MAPKAP1: variants seen among roughly 807,000 people sequenced by gnomAD.
MAPKAP1 encodes MAPK associated protein 1.
In MAPKAP1, 20 loss-of-function variants were observed where a neutral mutation model predicts 65.7. That is an observed-to-expected ratio of 0.30 (90% CI 0.21 to 0.44). The LOEUF (loss-of-function observed/expected upper bound fraction) is 0.44, where lower values mean the gene tolerates loss of function less well. MAPKAP1 is among the 20% of genes least tolerant of loss of function. The probability of loss-of-function intolerance (pLI) is 1.00; values close to 1 mark genes in which losing one functional copy is unlikely to be tolerated. For missense variants in MAPKAP1, 423 were observed against 648.0 expected, an observed-to-expected ratio of 0.65 and a Z score of 3.77; for synonymous variants, 222 against 244.3, an observed-to-expected ratio of 0.91 and a Z score of 0.85.
chr9:125,643,563 T>C (rs1422336168), intron 4 of MAPKAP1, among the ~76,000 whole-genome samples: 5 of 152,210 alleles, frequency 3.3e-5, no homozygotes, highest in East Asian at 3.8e-4. Context: ...AGAAGTGACA[T>C]AGATGTCATT....
At chr9:125,683,664 T>A (rs1311852939) in intron 1 of MAPKAP1, among the ~76,000 whole-genome samples, 2 of 152,204 alleles carry the variant, frequency 1.3e-5, no homozygotes, top group Non-Finnish European at 2.9e-5. Context: ...GCTGACACCT[T>A]AATTTCATCC....
intron 4 of MAPKAP1, among the ~76,000 whole-genome samples, chr9:125,598,620 A>G (rs1467820381): frequency 6.6e-6 from 1 of 152,220 alleles, no homozygotes; most frequent in African/African-American, 2.4e-5. Context: ...TCTGAGTTCA[A>G]TTATAAGCAA....
At chr9:125,623,268 TGTGAG>T (rs1272924456) in intron 4 of MAPKAP1, among the ~76,000 whole-genome samples, 1 of 106,682 alleles carries the variant, frequency 9.4e-6, no homozygotes, top group Non-Finnish European at 2.0e-5. Flanking sequence ...TCGTCTGGGA[TGTGAG>T]GAGCCCCTCT....
At chr9:125,442,879 C>T (rs552236220) in intron 11 of MAPKAP1, among the ~76,000 whole-genome samples, 3 of 152,332 alleles carry the variant, frequency 2.0e-5, no homozygotes, top group Admixed American at 6.5e-5. Context: ...ATTCCTGGAT[C>T]GCAATTCTAT....
intron 7 of MAPKAP1, among the ~76,000 whole-genome samples, chr9:125,535,133 A>ACCCT (rs1830037450): frequency 6.6e-6 from 1 of 152,176 alleles, no homozygotes; most frequent in Middle Eastern, 3.2e-3. Flanking sequence ...TCTGTAGCTT[A>ACCCT]CCCTCTGCCC....
At chr9:125,660,450 A>C (rs1834151852) in intron 3 of MAPKAP1, among the ~76,000 whole-genome samples, 1 of 152,198 alleles carries the variant, frequency 6.6e-6, no homozygotes, top group African/African-American at 2.4e-5. Flanking sequence ...TAAATAAATA[A>C]AAAGGGAAAC....
At chr9:125,441,620 A>G (rs1284012319) in intron 11 of MAPKAP1, among the ~76,000 whole-genome samples, 1 of 152,080 alleles carries the variant, frequency 6.6e-6, no homozygotes, top group East Asian at 1.9e-4. Context: ...CTAAGCTCTC[A>G]TTTTATGTAA....
chr9:125,669,771 C>T (rs1834444172), intron 3 of MAPKAP1, 47 bp downstream of exon 3: 3 of 999,398 alleles, frequency 3.0e-6, no homozygotes, highest in African/African-American at 1.7e-5. Context: ...ATATAATAAA[C>T]TAAATATATA....
At chr9:125,554,833 G>T (rs917325905) in intron 6 of MAPKAP1, among the ~76,000 whole-genome samples, 53 of 116,630 alleles carry the variant, frequency 4.5e-4, no homozygotes, top group South Asian at 1.9e-3. Flanking sequence ...TTCTAGTAAA[G>T]AACATTTAAA....
At chr9:125,620,113 A>G (rs1832853711) in intron 4 of MAPKAP1, among the ~76,000 whole-genome samples, 1 of 152,252 alleles carries the variant, frequency 6.6e-6, no homozygotes, top group Non-Finnish European at 1.5e-5. Context: ...GTTGGAGACC[A>G]GCCTGGCCAA....
chr9:125,531,258 C>T (rs1251070188), intron 7 of MAPKAP1, among the ~76,000 whole-genome samples: 1 of 152,220 alleles, frequency 6.6e-6, no homozygotes, highest in Non-Finnish European at 1.5e-5. Context: ...CAACCTTTGG[C>T]CATTTGGCTT....
At chr9:125,460,403 G>A (rs1484928311) in intron 10 of MAPKAP1, among the ~76,000 whole-genome samples, 1 of 151,902 alleles carries the variant, frequency 6.6e-6, no homozygotes, top group Admixed American at 6.6e-5. Context: ...TTATTAATAC[G>A]TCCGAGGGAA....
chr9:125,596,986 A>G lies in MAPKAP1; in HGVS notation c.499-11259T>C, dbSNP rs1009262228. Among the ~76,000 whole-genome samples the G allele has an allele frequency of 2.7e-4, 39 of 143,194 alleles. No homozygotes were observed. The South Asian group carries it at 5.3e-3, about 20-fold the overall frequency. The allele number at this position is 143,194 out of a possible 152,430, so 93.9% of individuals were successfully genotyped here. A position where few individuals can be genotyped will look rare whatever the true frequency, so the allele number is the denominator to read the frequency against. On this transcript the variant is annotated intron_variant, in intron 4 of 11. Coordinates refer to ENST00000265960, the MANE Select transcript of MAPKAP1 (RefSeq NM_001006617.3). ...CTTAAAAAAAAAAAAAAAAAAGGCC[A>G]GGCGCGGTGGCTTATGCCTGTAATC...
chr9:125,569,984 T>G (rs998741185), intron 5 of MAPKAP1, among the ~76,000 whole-genome samples: 1 of 152,214 alleles, frequency 6.6e-6, no homozygotes, highest in Non-Finnish European at 1.5e-5. Flanking sequence ...TAGTCTAAAT[T>G]ATGCAGGTCA....
intron 1 of MAPKAP1, among the ~76,000 whole-genome samples, chr9:125,686,892 T>G (rs890999553): frequency 5.9e-5 from 9 of 151,918 alleles, no homozygotes; most frequent in African/African-American, 1.9e-4. Flanking sequence ...AGGAGCATGA[T>G]CTCAGCTCAC....
intron 7 of MAPKAP1, among the ~76,000 whole-genome samples, chr9:125,513,943 C>G (rs1589249657): frequency 6.6e-6 from 1 of 152,316 alleles, no homozygotes; most frequent in South Asian, 2.1e-4. Context: ...CCTACAGTTC[C>G]CTAGTCTCTC....
rs570595076 is a variant in MAPKAP1 at position 125,669,521 on chromosome 9, C to A, written c.349+297G>T. Among the ~76,000 whole-genome samples the A allele has an allele frequency of 5.3e-5, 8 of 152,198 alleles. No homozygotes were observed. The East Asian group carries it at 1.3e-3, about 26-fold the overall frequency. ...AATAAAAATCAAATCATAGGGTACT[C>A]CTTGGCCTATATTTTTTTAAAAAAT... On this transcript the variant is annotated intron_variant, in intron 3 of 11. Coordinates refer to ENST00000265960, the MANE Select transcript of MAPKAP1 (RefSeq NM_001006617.3).
At chr9:125,506,442 A>C in intron 7 of MAPKAP1, 25 bp from the exon 8 acceptor site, 1 of 1,586,624 alleles carries the variant, frequency 6.3e-7, no homozygotes, top group Non-Finnish European at 8.7e-7. Context: ...GGGCAGGAGG[A>C]GGGGAGGAAG....
intron 5 of MAPKAP1, among the ~76,000 whole-genome samples, chr9:125,576,025 T>C (rs1451725724): frequency 6.6e-6 from 1 of 152,170 alleles, no homozygotes; most frequent in Non-Finnish European, 1.5e-5. Flanking sequence ...GAGAAATAAG[T>C]GTATCACACA....
Sources: allele counts gnomAD v4.1 joint callset (sites outside exome capture counted in the v4.1 genomes callset), GRCh38; gene constraint gnomAD v4.1.1; transcripts MANE v1.5; gene names NCBI Gene and HGNC (gene_info 2026-07-23, HGNC 2026-07-21).